The following NKAIN2 variants were observed in gnomAD, a reference collection of about 807,000 sequenced individuals.
The protein encoded by NKAIN2 is sodium/potassium transporting ATPase interacting 2, also known as sodium/potassium-transporting ATPase subunit beta-1-interacting protein 2.
In NKAIN2, 14 loss-of-function variants were observed where a neutral mutation model predicts 32.6. That is an observed-to-expected ratio of 0.43 (90% CI 0.28 to 0.67). The LOEUF (loss-of-function observed/expected upper bound fraction) is 0.67. NKAIN2 is among the 30% of genes least tolerant of loss of function. The pLI is 0.17. For synonymous variants in NKAIN2, 80 were observed against 87.2 expected, an observed-to-expected ratio of 0.92 and a Z score of 0.46; for missense variants, 198 against 258.3, an observed-to-expected ratio of 0.77 and a Z score of 1.60.
chr6:124,571,530 G>T (rs1026701122), intron 3 of NKAIN2, among the ~76,000 whole-genome samples: 8 of 152,134 alleles, frequency 5.3e-5, no homozygotes, highest in Non-Finnish European at 7.4e-5. Context: ...AGGGGTTTCT[G>T]CTTTTGCTTC....
At position 124,799,753 on chromosome 6, in the gene NKAIN2, A is replaced by G. The variant is rs116291648; in HGVS notation, c.535+8354A>G. On this transcript the variant is annotated intron_variant, in intron 5 of 6. Coordinates refer to ENST00000368417, the MANE Select transcript of NKAIN2 (RefSeq NM_001040214.3). ...TACTGATGTTGTTTTAATAGCCTTA[A>G]TAAGAAAGAAACCATGTGACTTGAA... 5.2e-3 allele frequency among the ~76,000 whole-genome samples: 786 copies of G among 152,308 alleles called. 6 individuals carry two copies. Among genetic ancestry groups the G allele is most frequent in the African/African-American group, 0.018 (754 of 41,564 alleles).
At chr6:124,358,204 T>C (rs1323117834) in intron 3 of NKAIN2, among the ~76,000 whole-genome samples, 2 of 152,194 alleles carry the variant, frequency 1.3e-5, no homozygotes, top group Non-Finnish European at 2.9e-5. Context: ...GTTCCAAGTC[T>C]TTGCTATTGT....
At chr6:123,913,204 T>C (rs1459879836) in intron 1 of NKAIN2, among the ~76,000 whole-genome samples, 5 of 152,126 alleles carry the variant, frequency 3.3e-5, no homozygotes, top group Non-Finnish European at 7.3e-5. Flanking sequence ...CCAAGAGTGA[T>C]TGGGAAAGGG....
At chr6:123,834,596 C>G (rs1774535880) in intron 1 of NKAIN2, among the ~76,000 whole-genome samples, 1 of 152,086 alleles carries the variant, frequency 6.6e-6, no homozygotes, top group Admixed American at 6.6e-5. Flanking sequence ...GCTAGTACTT[C>G]TAGTATGATG....
chr6:124,776,525 A>C (rs2114772636), intron 4 of NKAIN2, among the ~76,000 whole-genome samples: 1 of 152,286 alleles, frequency 6.6e-6, no homozygotes, highest in South Asian at 2.1e-4. Context: ...ACCTAATTCC[A>C]AATAGCATGT....
intron 4 of NKAIN2, among the ~76,000 whole-genome samples, chr6:124,723,975 A>G (rs1036847405): frequency 5.9e-5 from 9 of 152,154 alleles, no homozygotes; most frequent in Non-Finnish European, 1.2e-4. Flanking sequence ...ATGGGTTTTG[A>G]TTTGCATCAC....
intron 3 of NKAIN2, among the ~76,000 whole-genome samples, chr6:124,362,960 G>A (rs757929299): frequency 6.6e-6 from 1 of 151,892 alleles, no homozygotes; most frequent in Admixed American, 6.6e-5. Flanking sequence ...TCAGCCTCCC[G>A]AGTAGCTGGG....
chr6:124,120,678 T>C (rs779987921), intron 1 of NKAIN2, among the ~76,000 whole-genome samples: 13 of 152,160 alleles, frequency 8.5e-5, no homozygotes, highest in Non-Finnish European at 1.9e-4. Context: ...CTAAATTAGA[T>C]TGATCTTGGA....
At chr6:124,026,456 A>T (rs1451722219) in intron 1 of NKAIN2, among the ~76,000 whole-genome samples, 1 of 152,076 alleles carries the variant, frequency 6.6e-6, no homozygotes, top group Non-Finnish European at 1.5e-5. Flanking sequence ...CTTTCCTTTT[A>T]TCATCAGTAA....
At chr6:124,677,249 G>A (rs536627485) in intron 4 of NKAIN2, among the ~76,000 whole-genome samples, 90 of 152,266 alleles carry the variant, frequency 5.9e-4, no homozygotes, top group Admixed American at 4.8e-3. Flanking sequence ...GATTACAGGC[G>A]TGAGCCACCG....
At chr6:123,907,970 T>G (rs1774975232) in intron 1 of NKAIN2, among the ~76,000 whole-genome samples, 1 of 152,154 alleles carries the variant, frequency 6.6e-6, no homozygotes, top group South Asian at 2.1e-4. Flanking sequence ...CAGACCAAAT[T>G]TATGCCCTGT....
intron 1 of NKAIN2, among the ~76,000 whole-genome samples, chr6:124,173,968 T>C (rs1562401549): frequency 6.6e-6 from 1 of 152,190 alleles, no homozygotes; most frequent in Non-Finnish European, 1.5e-5. Context: ...CGAAGGATAC[T>C]GTTTACATTC....
At chr6:123,971,968 C>T (rs993452291) in intron 1 of NKAIN2, among the ~76,000 whole-genome samples, 5 of 152,150 alleles carry the variant, frequency 3.3e-5, no homozygotes, top group Middle Eastern at 3.2e-3. Flanking sequence ...GCTCAGATTT[C>T]TTCTGCCTCT....
At chr6:124,442,849 G>A (rs895795262) in intron 3 of NKAIN2, among the ~76,000 whole-genome samples, 6 of 152,000 alleles carry the variant, frequency 3.9e-5, no homozygotes, top group African/African-American at 7.2e-5. Flanking sequence ...CTACCATTAG[G>A]CTTGCTCATC....
At chr6:124,214,328 A>T (rs769334328) in intron 1 of NKAIN2, among the ~76,000 whole-genome samples, 8 of 151,924 alleles carry the variant, frequency 5.3e-5, no homozygotes, top group Non-Finnish European at 1.2e-4. Context: ...TTAAAATATA[A>T]TGTTTTGTCT....
At chr6:124,806,739 A>C (rs1270573323) in intron 5 of NKAIN2, among the ~76,000 whole-genome samples, 1 of 152,036 alleles carries the variant, frequency 6.6e-6, no homozygotes, top group Non-Finnish European at 1.5e-5. Context: ...GTATTCAGGA[A>C]ACCCATTTCA....
At chr6:124,681,904 G>A (rs1221872544) in intron 4 of NKAIN2, among the ~76,000 whole-genome samples, 2 of 151,860 alleles carry the variant, frequency 1.3e-5, no homozygotes, top group East Asian at 3.9e-4. Context: ...GATACCTTGA[G>A]CACCAGTGAA....
At chr6:124,421,870 T>C (rs1403592923) in intron 3 of NKAIN2, among the ~76,000 whole-genome samples, 1 of 152,166 alleles carries the variant, frequency 6.6e-6, no homozygotes, top group Non-Finnish European at 1.5e-5. Context: ...GGCGTGATTT[T>C]AGGAAGAAAG....
intron 1 of NKAIN2, among the ~76,000 whole-genome samples, chr6:123,808,698 T>C (rs1773326399): frequency 6.6e-6 from 1 of 152,160 alleles, no homozygotes; most frequent in African/African-American, 2.4e-5. Context: ...GCATTTTTTC[T>C]GCAGAGTGCC....
Sources: gnomAD v4.1 joint callset for allele counts (sites outside exome capture counted in the v4.1 genomes callset) on GRCh38, gnomAD v4.1.1 for gene constraint, MANE v1.5 for transcripts, NCBI Gene and HGNC (gene_info 2026-07-23, HGNC 2026-07-21) for gene names.